AGAP4: variants seen among roughly 807,000 people sequenced by gnomAD.
The protein encoded by AGAP4 is arf-GAP with GTPase, ANK repeat and PH domain-containing protein 4.
A neutral mutation model predicts 60.7 loss-of-function variants in AGAP4; 13 were observed. That is an observed-to-expected ratio of 0.21 (90% CI 0.14 to 0.34). AGAP4 has a LOEUF of 0.34. Among genes scored for constraint, AGAP4 ranks in the 10% least tolerant of loss-of-function variants. AGAP4 has a pLI of 1.00. For synonymous variants in AGAP4, 70 were observed against 339.0 expected, an observed-to-expected ratio of 0.21 and a Z score of 8.72; for missense variants, 169 against 884.0, an observed-to-expected ratio of 0.19 and a Z score of 10.26.
Position 45,844,341 on chromosome 10 carries a change from T to C in AGAP4, c.346A>G (p.Asn116Asp), listed in dbSNP as rs2058967254. 6.3e-7 allele frequency: 1 copy of C among 1,594,546 alleles called. No individual in the cohort carries two copies. Among genetic ancestry groups the C allele is most frequent in the Middle Eastern group, 1.9e-4 (1 of 5,390 alleles). ...GTCGTCTCACCATCTGTTTGAGAGT[T>C]CCTCTGGAATATTGTGCTTGCCTCT... ...NPEASTIFQR[N>D]SQTDVVEIRR... The change falls in exon 3 of 8, where the codon AAC becomes GAC. Residue 116 changes from asparagine (N) to aspartate (D), a missense_variant. By Grantham distance (23) the Asn-to-Asp change is conservative. Coordinates refer to ENST00000616763, the MANE Select transcript of AGAP4 (RefSeq NM_001276343.3).
At chr10:45,838,360 G>A (rs1320113733) in intron 4 of AGAP4, among the ~76,000 whole-genome samples, 5 of 151,854 alleles carry the variant, frequency 3.3e-5, no homozygotes, top group African/African-American at 9.7e-5. Flanking sequence ...CTCAGGTGAC[G>A]GGTGCACCTA....
At chr10:45,849,187 T>C (rs1467174468), upstream of AGAP4, among the ~76,000 whole-genome samples, 254 of 149,674 alleles carry the variant, frequency 1.7e-3, 1 homozygote, top group African/African-American at 6.0e-3. Context: ...GATCGTGCCA[T>C]GGCACTCCTG....
At chr10:45,843,638 C>T (rs2058955045) in intron 3 of AGAP4, among the ~76,000 whole-genome samples, 1 of 125,228 alleles carries the variant, frequency 8.0e-6, no homozygotes, top group Admixed American at 7.8e-5. Context: ...TGCTGCATTA[C>T]TTCGCACATT....
chr10:45,850,572 CCAAA>C (rs1222919983), upstream of AGAP4, among the ~76,000 whole-genome samples: 2 of 152,096 alleles, frequency 1.3e-5, no homozygotes, highest in African/African-American at 4.8e-5. Flanking sequence ...AAGGAAGCAA[CCAAA>C]CAAATTAAGA....
At chr10:45,848,138 C>A (rs1195952572), upstream of AGAP4, among the ~76,000 whole-genome samples, 1 of 147,630 alleles carries the variant, frequency 6.8e-6, no homozygotes, top group Non-Finnish European at 1.5e-5. Flanking sequence ...TGTCTTCCAA[C>A]GAGTGGTCAT....
At chr10:45,850,946 A>G (rs1476616646), upstream of AGAP4, among the ~76,000 whole-genome samples, 1 of 152,138 alleles carries the variant, frequency 6.6e-6, no homozygotes, top group Middle Eastern at 3.2e-3. Flanking sequence ...CATACATACT[A>G]AATCAAGCCA....
chr10:45,829,875 G>C (rs1406281687), intron 6 of AGAP4, among the ~76,000 whole-genome samples: 2 of 150,226 alleles, frequency 1.3e-5, no homozygotes, highest in African/African-American at 4.9e-5. Flanking sequence ...AAGATTGGTG[G>C]TTAAACTAAA....
At chr10:45,853,575 A>G in intron 1 of AGAP4, 2 of 1,260,084 alleles carry the variant, frequency 1.6e-6, no homozygotes, top group South Asian at 1.3e-5. Flanking sequence ...CACACTATCA[A>G]TTGTGCAATT....
chr10:45,849,855 GC>G (rs2059061473), upstream of AGAP4, among the ~76,000 whole-genome samples: 1 of 151,244 alleles, frequency 6.6e-6, no homozygotes, highest in Admixed American at 6.6e-5. Flanking sequence ...GGTCAGGCCC[GC>G]CTCAGCCTCC....
intron 4 of AGAP4, among the ~76,000 whole-genome samples, chr10:45,839,836 T>TA (rs1280547327): frequency 3.1e-5 from 4 of 130,476 alleles, no homozygotes; most frequent in Non-Finnish European, 4.9e-5. Flanking sequence ...AGCAAAACTT[T>TA]AAAAAAAAAT....
intron 4 of AGAP4, among the ~76,000 whole-genome samples, chr10:45,839,353 G>T (rs1228362793): frequency 8.4e-6 from 1 of 119,288 alleles, no homozygotes; most frequent in African/African-American, 2.8e-5. Flanking sequence ...AAGCCAGCAA[G>T]GTCAGTTGCA....
upstream of AGAP4, among the ~76,000 whole-genome samples, chr10:45,850,084 C>A (rs2059065020): frequency 6.6e-6 from 1 of 151,824 alleles, no homozygotes; most frequent in Non-Finnish European, 1.5e-5. Flanking sequence ...AGCCCAACCC[C>A]ATGCTCAGCT....
chr10:45,852,433 G>T (rs1441084057), upstream of AGAP4, among the ~76,000 whole-genome samples: 1 of 144,868 alleles, frequency 6.9e-6, no homozygotes, highest in Non-Finnish European at 1.5e-5. Context: ...TGAAAGATGG[G>T]TTTAATTTTT....
rs1179202421 is a variant in AGAP4 at position 45,845,626 on chromosome 10, G to A, written c.292+1061C>T. On this transcript the variant is annotated intron_variant, in intron 2 of 7. Coordinates refer to ENST00000616763, the MANE Select transcript of AGAP4 (RefSeq NM_001276343.3). Reference sequence around the variant, plus strand: ...TCTTTCCTTTTTTTTTTTGTGAGACGGAGTCTCGCTCTGTCACCCAGGCTG... The same window carrying A: ...TCTTTCCTTTTTTTTTTTGTGAGACAGAGTCTCGCTCTGTCACCCAGGCTG... 4.9e-3 allele frequency among the ~76,000 whole-genome samples: 551 copies of A among 111,522 alleles called. 81 individuals are homozygous for A. Among genetic ancestry groups the A allele is most frequent in the African/African-American group, 0.016 (497 of 30,332 alleles). 73.2% of individuals were successfully genotyped at this position (111,522 alleles called of 152,430 possible). A position where few individuals can be genotyped will look rare whatever the true frequency, so the allele number is the denominator to read the frequency against.
chr10:45,838,725 C>T (rs1476834735), intron 4 of AGAP4, among the ~76,000 whole-genome samples: 1 of 151,362 alleles, frequency 6.6e-6, no homozygotes, highest in African/African-American at 2.4e-5. Flanking sequence ...CGCATGCCAC[C>T]AGGCCTGGCT....
intron 4 of AGAP4, among the ~76,000 whole-genome samples, chr10:45,840,083 G>C (rs1426842916): frequency 5.4e-5 from 8 of 149,364 alleles, no homozygotes; most frequent in African/African-American, 2.0e-4. Flanking sequence ...TGCAGGTTTA[G>C]TAGCCTCAAT....
At chr10:45,848,337 C>T (rs1252098660), upstream of AGAP4, among the ~76,000 whole-genome samples, 3 of 141,982 alleles carry the variant, frequency 2.1e-5, no homozygotes, top group African/African-American at 5.3e-5. Flanking sequence ...CTTTTCTCCC[C>T]GCTATTTCTT....
chr10:45,834,381 GA>G (rs1217869944), intron 4 of AGAP4, among the ~76,000 whole-genome samples: 1 of 141,354 alleles, frequency 7.1e-6, no homozygotes, highest in Non-Finnish European at 1.5e-5. Context: ...AAAATAATGG[GA>G]AAAGTCGGCT....
intron 2 of AGAP4, among the ~76,000 whole-genome samples, chr10:45,844,897 C>G (rs1164742314): frequency 8.0e-6 from 1 of 124,538 alleles, no homozygotes; most frequent in African/African-American, 2.9e-5. Flanking sequence ...TAGCTGTCTT[C>G]CATAGTCATG....
Sources: gnomAD v4.1 joint callset for allele counts (sites outside exome capture counted in the v4.1 genomes callset) on GRCh38, gnomAD v4.1.1 for gene constraint, MANE v1.5 for transcripts, NCBI Gene and HGNC (gene_info 2026-07-23, HGNC 2026-07-21) for gene names.